The following ROBO1 variants were observed in gnomAD, a reference collection of about 807,000 sequenced individuals.
ROBO1 encodes the protein roundabout homolog 1.
A neutral mutation model predicts 195.9 loss-of-function variants in ROBO1; 149 were observed. That is an observed-to-expected ratio of 0.76 (90% CI 0.67 to 0.87). The LOEUF (loss-of-function observed/expected upper bound fraction) is 0.87, where lower values mean the gene tolerates loss of function less well. ROBO1 is among the 40% of genes least tolerant of loss of function. The pLI, the probability that ROBO1 is intolerant of heterozygous loss-of-function variation, is 0.00. For synonymous variants in ROBO1, 816 were observed against 733.2 expected (o/e 1.11, Z -1.82); for missense variants, 1,933 against 2,068.3 (o/e 0.93, Z 1.27).
At chr3:79,583,669 T>G (rs1943728165) in intron 2 of ROBO1, among the ~76,000 whole-genome samples, 1 of 151,960 alleles carries the variant, frequency 6.6e-6, no homozygotes, top group Non-Finnish European at 1.5e-5. Context: ...TAAGAGACAT[T>G]TGGTATCATT....
intron 1 of ROBO1, among the ~76,000 whole-genome samples, chr3:79,736,962 G>T (rs545919366): frequency 6.6e-6 from 1 of 152,254 alleles, no homozygotes; most frequent in South Asian, 2.1e-4. Flanking sequence ...AGACTTCTTT[G>T]CTTCCAGTCT....
At chr3:79,276,047 C>A (rs1230930267) in intron 2 of ROBO1, among the ~76,000 whole-genome samples, 1 of 151,852 alleles carries the variant, frequency 6.6e-6, no homozygotes. Flanking sequence ...GTCCATATTC[C>A]CCAAACCAAT....
At chr3:78,752,298 C>A (rs1284492350) in intron 4 of ROBO1, among the ~76,000 whole-genome samples, 1 of 152,156 alleles carries the variant, frequency 6.6e-6, no homozygotes, top group Non-Finnish European at 1.5e-5. Flanking sequence ...TTTAACACAT[C>A]TGCACTGAGC....
chr3:78,797,782 A>G (rs1471570963), intron 4 of ROBO1, among the ~76,000 whole-genome samples: 4 of 152,220 alleles, frequency 2.6e-5, no homozygotes, highest in Non-Finnish European at 5.9e-5. Flanking sequence ...AATTATAACC[A>G]TAGCTTAGAA....
rs143698373 is a variant in ROBO1 at position 78,742,761 on chromosome 3, C to T, written c.657+3982G>A. On this transcript the variant is annotated intron_variant, in intron 5 of 30. Coordinates refer to ENST00000464233, the MANE Select transcript of ROBO1 (RefSeq NM_002941.4). ...AGTTATTTATATATTAACATCTTGG[C>T]ATCATTTCATAGTCATAGGTTTTTA... Among the ~76,000 whole-genome samples the T allele has an allele frequency of 2.9e-3, 446 of 152,238 alleles. 5 individuals carry two copies. The highest frequency in any genetic ancestry group is 9.8e-3 in the African/African-American group (408 of 41,552).
intron 2 of ROBO1, among the ~76,000 whole-genome samples, chr3:79,465,767 G>A (rs543857503): frequency 5.9e-5 from 9 of 151,840 alleles, no homozygotes; most frequent in East Asian, 5.8e-4. Flanking sequence ...TTTCATGTAC[G>A]TAAATTTTCT....
intron 1 of ROBO1, among the ~76,000 whole-genome samples, chr3:79,709,621 A>C (rs1702194178): frequency 6.6e-6 from 1 of 151,844 alleles, no homozygotes; most frequent in Admixed American, 6.6e-5. Context: ...AACTACTTTT[A>C]CTAGACACTA....
At chr3:79,008,609 T>G (rs1188635950) in intron 3 of ROBO1, among the ~76,000 whole-genome samples, 1 of 151,666 alleles carries the variant, frequency 6.6e-6, no homozygotes, top group Admixed American at 6.6e-5. Flanking sequence ...ATTTTTTTTT[T>G]GACAGACAGT....
rs373729898 is a variant in ROBO1 at position 79,244,577 on chromosome 3, A to G, written c.89-119038T>C. On this transcript the variant is annotated intron_variant, in intron 2 of 30. Transcript: ENST00000464233. ...ACAGTTGTCAAATGTGTTTTTGATA[A>G]GAAATATTTTCTGTGATGGCATCAT... 2.2e-3 allele frequency among the ~76,000 whole-genome samples: 342 copies of G among 152,226 alleles called. 1 individual carries two copies. Among genetic ancestry groups the G allele is most frequent in the African/African-American group, 7.2e-3 (301 of 41,546 alleles).
chr3:79,546,160 T>C (rs1366311924), intron 2 of ROBO1, among the ~76,000 whole-genome samples: 1 of 152,112 alleles, frequency 6.6e-6, no homozygotes, highest in Non-Finnish European at 1.5e-5. Flanking sequence ...AATAGTAATT[T>C]AATGTATAGT....
chr3:79,615,492 C>T (rs920452621), intron 1 of ROBO1, among the ~76,000 whole-genome samples: 7 of 152,132 alleles, frequency 4.6e-5, no homozygotes, highest in South Asian at 4.1e-4. Flanking sequence ...GTCATAGGAA[C>T]GTACTTAGCC....
At chr3:78,848,300 T>C (rs1408203653) in intron 4 of ROBO1, among the ~76,000 whole-genome samples, 2 of 152,198 alleles carry the variant, frequency 1.3e-5, no homozygotes, top group Admixed American at 6.6e-5. Flanking sequence ...GTAATTGCAT[T>C]ACTTTTAAAG....
At chr3:78,961,725 T>C (rs1179363651) in intron 3 of ROBO1, among the ~76,000 whole-genome samples, 2 of 152,148 alleles carry the variant, frequency 1.3e-5, no homozygotes, top group Non-Finnish European at 2.9e-5. Context: ...ACCACTAAAC[T>C]ATAATGTAAA....
chr3:78,963,509 T>TG (rs2041502339), intron 3 of ROBO1, among the ~76,000 whole-genome samples: 4 of 135,036 alleles, frequency 3.0e-5, no homozygotes, highest in Non-Finnish European at 4.6e-5. Flanking sequence ...TTTTTTTTTT[T>TG]TTTTTTTTTT....
chr3:78,928,777 A>C (rs1170650271), intron 4 of ROBO1, among the ~76,000 whole-genome samples: 1 of 152,204 alleles, frequency 6.6e-6, no homozygotes, highest in South Asian at 2.1e-4. Flanking sequence ...ATAAGCTATG[A>C]CAAGTGCTGA....
intron 3 of ROBO1, among the ~76,000 whole-genome samples, chr3:79,030,252 T>C (rs2078271081): frequency 6.6e-6 from 1 of 152,216 alleles, no homozygotes; most frequent in African/African-American, 2.4e-5. Flanking sequence ...GAGACATTTG[T>C]GGTTGTCACA....
intron 2 of ROBO1, among the ~76,000 whole-genome samples, chr3:79,350,966 A>T (rs1186994908): frequency 6.6e-6 from 1 of 152,100 alleles, no homozygotes; most frequent in Non-Finnish European, 1.5e-5. Flanking sequence ...AGTAGCTGTG[A>T]CTACAGTTAT....
At chr3:78,643,457 A>T (rs1001540001) in intron 21 of ROBO1, among the ~76,000 whole-genome samples, 2 of 152,150 alleles carry the variant, frequency 1.3e-5, no homozygotes, top group Non-Finnish European at 2.9e-5. Context: ...GGAATTCAGT[A>T]AACTGAGAAG....
At chr3:78,948,687 A>AT (rs1244192395) in intron 3 of ROBO1, among the ~76,000 whole-genome samples, 2 of 152,094 alleles carry the variant, frequency 1.3e-5, no homozygotes, top group African/African-American at 2.4e-5. Flanking sequence ...GGAGAAGGAA[A>AT]AAAGGGTATT....
Sources: allele counts gnomAD v4.1 joint callset (sites outside exome capture counted in the v4.1 genomes callset), GRCh38; gene constraint gnomAD v4.1.1; transcripts MANE v1.5; gene names NCBI Gene and HGNC (gene_info 2026-07-23, HGNC 2026-07-21).